The following RAB2A variants were observed in gnomAD, a reference collection of about 807,000 sequenced individuals.
RAB2A encodes the protein ras-related protein Rab-2A.
RAB2A carries 7 observed loss-of-function variants against 32.5 expected under a neutral mutation model. The observed-to-expected ratio is 0.22, with a 90% CI of 0.12 to 0.40. The LOEUF (loss-of-function observed/expected upper bound fraction) is 0.40. RAB2A is among the 10% of genes least tolerant of loss of function. RAB2A has a pLI of 1.00. For missense variants in RAB2A, 108 were observed against 260.7 expected (o/e 0.41, Z 4.03); for synonymous variants, 79 against 85.2 (o/e 0.93, Z 0.40).
chr8:60,567,638 T>C (rs1340669764), intron 2 of RAB2A, among the ~76,000 whole-genome samples: 1 of 148,846 alleles, frequency 6.7e-6, no homozygotes, highest in African/African-American at 2.6e-5. Context: ...ACACATAATA[T>C]ATGTTTTCAC....
At chr8:60,581,394 G>T (rs1285691426) in intron 3 of RAB2A, among the ~76,000 whole-genome samples, 3 of 152,158 alleles carry the variant, frequency 2.0e-5, no homozygotes, top group Non-Finnish European at 4.4e-5. Flanking sequence ...CTGGACAAAG[G>T]GATGATTCAC....
chr8:60,575,795 T>A (rs1803603892), intron 3 of RAB2A, among the ~76,000 whole-genome samples: 1 of 151,786 alleles, frequency 6.6e-6, no homozygotes. Flanking sequence ...GTAGCTGGAA[T>A]TACAGGCATG....
chr8:60,612,696 G>C (rs1804372419), intron 6 of RAB2A, among the ~76,000 whole-genome samples: 1 of 152,304 alleles, frequency 6.6e-6, no homozygotes, highest in East Asian at 1.9e-4. Flanking sequence ...TTGCAGCTCA[G>C]TCATATCTAC....
intron 3 of RAB2A, among the ~76,000 whole-genome samples, chr8:60,582,414 A>G (rs1240367143): frequency 6.6e-6 from 1 of 152,206 alleles, no homozygotes; most frequent in Non-Finnish European, 1.5e-5. Flanking sequence ...ATTGAATCTC[A>G]GCACGTTAGG....
rs982514696 is a variant in RAB2A, at chr8:60,563,005, T to C, written c.118+4082T>C. ...TTGACACCCATCACAGCAATTTATCTTTCAGAGATAAAAAAAAAATAGCAG... is the reference window on the plus strand; with the variant it reads ...TTGACACCCATCACAGCAATTTATCCTTCAGAGATAAAAAAAAAATAGCAG... On this transcript the variant is annotated intron_variant, in intron 2 of 7. Transcript: ENST00000262646. Among the ~76,000 whole-genome samples the C allele has an allele frequency of 1.1e-4, 13 of 117,778 alleles. 1 individual carries two copies. The highest frequency in any genetic ancestry group is 4.1e-5 in the Non-Finnish European group (2 of 49,302). The allele number at this position is 117,778 out of a possible 152,430, so 77.3% of individuals were successfully genotyped here. A position where few individuals can be genotyped will look rare whatever the true frequency, so the allele number is the denominator to read the frequency against.
At chr8:60,561,065 G>A (rs1375873836) in intron 2 of RAB2A, among the ~76,000 whole-genome samples, 1 of 152,192 alleles carries the variant, frequency 6.6e-6, no homozygotes, top group Non-Finnish European at 1.5e-5. Context: ...TCCAGCCCCT[G>A]CCTGGCAGGC....
At chr8:60,573,549 T>C (rs1332247152) in intron 3 of RAB2A, among the ~76,000 whole-genome samples, 1 of 152,196 alleles carries the variant, frequency 6.6e-6, no homozygotes, top group Non-Finnish European at 1.5e-5. Context: ...TGGGTTCTTG[T>C]GTTTTTTTGC....
intron 2 of RAB2A, among the ~76,000 whole-genome samples, chr8:60,564,280 A>T (rs1808071108): frequency 6.6e-6 from 1 of 152,178 alleles, no homozygotes; most frequent in African/African-American, 2.4e-5. Context: ...TGTGCCCTAT[A>T]AACTAAGCCT....
intron 1 of RAB2A, among the ~76,000 whole-genome samples, chr8:60,530,640 A>C (rs78067836): frequency 6.6e-6 from 1 of 152,136 alleles, no homozygotes; most frequent in South Asian, 2.1e-4. Flanking sequence ...GCCCATTTCT[A>C]TATTTTTAAA....
intron 1 of RAB2A, among the ~76,000 whole-genome samples, chr8:60,556,401 G>A (rs186011289): frequency 1.6e-4 from 24 of 152,102 alleles, no homozygotes; most frequent in Admixed American, 1.5e-3. Flanking sequence ...TGTTTGAGGT[G>A]AACAGATATG....
chr8:60,623,502 T>G lies in RAB2A; in HGVS notation c.*2733T>G, dbSNP rs944178531. Reference sequence around the variant, plus strand: ...ATGAGCTAAAAGATACACAAAGAGATAACGCTGTTTCATAATAAACAGGAA... The same window carrying G: ...ATGAGCTAAAAGATACACAAAGAGAGAACGCTGTTTCATAATAAACAGGAA... On this transcript the variant is annotated 3_prime_UTR_variant, in exon 8 of 8. Transcript: ENST00000262646. 7.9e-5 allele frequency: 12 copies of G among 152,164 alleles called. No homozygotes were observed. The highest frequency in any genetic ancestry group is 2.4e-4 in the African/African-American group (10 of 41,440). 9.4% of individuals were successfully genotyped at this position (152,164 alleles called of 1,614,324 possible).
intron 4 of RAB2A, 132 bp from the exon 5 acceptor site, chr8:60,584,591 G>A (rs936277148): frequency 5.3e-5 from 37 of 699,164 alleles, no homozygotes; most frequent in Non-Finnish European, 8.5e-5. Context: ...CCCAGATATG[G>A]TGCTTAAAAC....
At chr8:60,553,282 G>T (rs1807884772) in intron 1 of RAB2A, among the ~76,000 whole-genome samples, 1 of 152,172 alleles carries the variant, frequency 6.6e-6, no homozygotes, top group African/African-American at 2.4e-5. Flanking sequence ...CACAGGTATG[G>T]CTAAAGTTGC....
Position 60,546,891 on chromosome 8 carries a change from CTTTTTTTTTT to C in RAB2A, c.47-11946_47-11937del, listed in dbSNP as rs6150606. ...TGCTTTTTGTTTTTGTTTTTTGGGT[CTTTTTTTTTT>C]TTTTTTTTTTTTTTATTGATCATTC... On this transcript the variant is annotated intron_variant, in intron 1 of 7. Transcript: ENST00000262646. Among the ~76,000 whole-genome samples the C allele has an allele frequency of 8.8e-3, 866 of 98,954 alleles. 7 individuals carry two copies. The highest frequency in any genetic ancestry group is 0.035 in the African/African-American group (781 of 22,588). 64.9% of individuals were successfully genotyped at this position (98,954 alleles called of 152,430 possible).
chr8:60,614,240 T>TTTTTTTTTTTTTTTTTTTTTTGAGA (rs1554560324), intron 6 of RAB2A, among the ~76,000 whole-genome samples: 3 of 145,624 alleles, frequency 2.1e-5, no homozygotes, highest in Non-Finnish European at 1.5e-5. Context: ...CATTCTTCTA[T>TTTTTTTTTTTTTTTTTTTTTTGAGA]CGGTTAGTGC....
chr8:60,534,253 G>C (rs1009105647), intron 1 of RAB2A, among the ~76,000 whole-genome samples: 5 of 152,148 alleles, frequency 3.3e-5, no homozygotes, highest in African/African-American at 1.2e-4. Context: ...ATTCATATAT[G>C]TTCTCGCGGT....
intron 1 of RAB2A, among the ~76,000 whole-genome samples, chr8:60,529,659 A>G (rs565948886): frequency 2.6e-5 from 4 of 152,138 alleles, no homozygotes; most frequent in African/African-American, 9.6e-5. Flanking sequence ...TTTTTTGCTC[A>G]TTACTTTGGG....
At chr8:60,615,926 G>A (rs1407232449) in intron 6 of RAB2A, among the ~76,000 whole-genome samples, 8 of 152,090 alleles carry the variant, frequency 5.3e-5, no homozygotes, top group African/African-American at 1.9e-4. Flanking sequence ...TTGTCATGAA[G>A]TATGTAAAAC....
chr8:60,577,028 ATATCC>A (rs1269139104), intron 3 of RAB2A, among the ~76,000 whole-genome samples: 1 of 147,866 alleles, frequency 6.8e-6, no homozygotes, highest in African/African-American at 2.6e-5. Flanking sequence ...ATCGGTGATC[ATATCC>A]TATTTTATCT....
Sources: allele counts gnomAD v4.1 joint callset (sites outside exome capture counted in the v4.1 genomes callset), GRCh38; gene constraint gnomAD v4.1.1; transcripts MANE v1.5; gene names NCBI Gene and HGNC (gene_info 2026-07-23, HGNC 2026-07-21).